DNAJB6: variants seen among roughly 807,000 people sequenced by gnomAD.
DNAJB6 encodes the protein dnaJ homolog subfamily B member 6.
In DNAJB6, 16 loss-of-function variants were observed where a neutral mutation model predicts 42.7. The observed-to-expected ratio is 0.37, with a 90% CI of 0.25 to 0.57. DNAJB6 has a LOEUF of 0.57. Ranked by LOEUF, DNAJB6 falls within the 20% of genes least tolerant of loss-of-function variation. DNAJB6 has a pLI of 0.74. For synonymous variants in DNAJB6, 170 were observed against 163.5 expected (o/e 1.04, Z -0.30); for missense variants, 347 against 416.8 (o/e 0.83, Z 1.46).
intron 8 of DNAJB6, among the ~76,000 whole-genome samples, chr7:157,402,275 C>T (rs1044443015): frequency 1.4e-4 from 22 of 152,214 alleles, no homozygotes; most frequent in African/African-American, 4.6e-4. Flanking sequence ...ATTTTAAAGA[C>T]GAGGGGACTG....
chr7:157,415,581 G>A (rs1250661831), intron 9 of DNAJB6: 1 of 189,374 alleles, frequency 5.3e-6, no homozygotes, highest in Admixed American at 5.6e-5. Flanking sequence ...AGAGCCCAGG[G>A]TGGGGTTCCG....
At chr7:157,372,565 A>C (rs1470236213) in intron 5 of DNAJB6, among the ~76,000 whole-genome samples, 1 of 152,200 alleles carries the variant, frequency 6.6e-6, no homozygotes, top group Non-Finnish European at 1.5e-5. Flanking sequence ...GTGCCTTGAT[A>C]CTGTCCTTGG....
At chr7:157,350,153 G>A (rs904435102) in intron 1 of DNAJB6, among the ~76,000 whole-genome samples, 1 of 152,094 alleles carries the variant, frequency 6.6e-6, no homozygotes, top group Non-Finnish European at 1.5e-5. Context: ...GAGAGCTGTG[G>A]GTCTTGTTAT....
intron 3 of DNAJB6, 42 bp from the exon 4 acceptor site, chr7:157,366,460 T>C (rs1226000076): frequency 1.9e-6 from 3 of 1,580,154 alleles, no homozygotes; most frequent in Non-Finnish European, 8.7e-7. Context: ...ATTAAGGGTT[T>C]AAAAGGAACT....
At chr7:157,347,091 G>A (rs527842619) in intron 1 of DNAJB6, among the ~76,000 whole-genome samples, 121 of 152,182 alleles carry the variant, frequency 8.0e-4, no homozygotes, top group African/African-American at 2.4e-3. Flanking sequence ...TCCTGACCTC[G>A]TGATTCGCCT....
intron 3 of DNAJB6, among the ~76,000 whole-genome samples, chr7:157,365,952 C>T (rs1799820816): frequency 7.4e-6 from 1 of 134,592 alleles, no homozygotes; most frequent in Middle Eastern, 3.9e-3. Context: ...GTATGAGCTA[C>T]CTCGCGTGGC....
intron 5 of DNAJB6, chr7:157,382,031 A>C (rs1338230931): frequency 7.1e-6 from 3 of 421,986 alleles, no homozygotes; most frequent in African/African-American, 6.2e-5. Flanking sequence ...TATTTGATAC[A>C]ATGTATTGTA....
intron 1 of DNAJB6, among the ~76,000 whole-genome samples, chr7:157,349,384 G>A (rs1453642011): frequency 6.6e-6 from 1 of 152,214 alleles, no homozygotes; most frequent in Non-Finnish European, 1.5e-5. Flanking sequence ...TGGGCAAGGT[G>A]TGACCCTCCC....
At chr7:157,344,589 A>G (rs951892383) in intron 1 of DNAJB6, among the ~76,000 whole-genome samples, 4 of 151,776 alleles carry the variant, frequency 2.6e-5, no homozygotes, top group African/African-American at 7.3e-5. Context: ...GCCTGAAATT[A>G]TTTGTTTTTT....
intron 1 of DNAJB6, among the ~76,000 whole-genome samples, chr7:157,344,176 T>C (rs7783083): frequency 0.55 from 82,839 of 151,938 alleles, 23,008 homozygotes; most frequent in East Asian, 0.76. Flanking sequence ...CCATCTCTAC[T>C]AAAACAATAC....
chr7:157,341,265 C>T (rs1324728646), intron 1 of DNAJB6, among the ~76,000 whole-genome samples: 1 of 152,074 alleles, frequency 6.6e-6, no homozygotes, highest in Non-Finnish European at 1.5e-5. Flanking sequence ...GCTGTGATTA[C>T]AGGCACCTGC....
At chr7:157,404,604 A>G (rs1795686751) in intron 8 of DNAJB6, among the ~76,000 whole-genome samples, 2 of 144,600 alleles carry the variant, frequency 1.4e-5, no homozygotes, top group East Asian at 2.1e-4. Context: ...TCTGCCTCCC[A>G]GGCTCAAGCG....
intron 8 of DNAJB6, chr7:157,386,244 T>G (rs2366514): frequency 2.1e-6 from 2 of 931,966 alleles, no homozygotes; most frequent in East Asian, 1.1e-4. Flanking sequence ...GTAAACTGGG[T>G]CTTTGTCATT....
chr7:157,342,333 ATTTTTTTTTTTTTT>A (rs11329531), intron 1 of DNAJB6, among the ~76,000 whole-genome samples: 10 of 60,406 alleles, frequency 1.7e-4, no homozygotes, highest in South Asian at 9.0e-4. Context: ...ATCCTGGCTA[ATTTTTTTTTTTTTT>A]TTTTTTTTTT....
At chr7:157,395,039 C>T (rs531869993) in intron 8 of DNAJB6, among the ~76,000 whole-genome samples, 1 of 152,224 alleles carries the variant, frequency 6.6e-6, no homozygotes, top group African/African-American at 2.4e-5. Flanking sequence ...CTGCAGTGAG[C>T]CAGGATTGCA....
At chr7:157,365,512 G>A (rs919334887) in intron 3 of DNAJB6, among the ~76,000 whole-genome samples, 10 of 152,148 alleles carry the variant, frequency 6.6e-5, no homozygotes, top group Admixed American at 2.0e-4. Context: ...GTTTGTTTTC[G>A]TGCTGCAGAT....
intron 1 of DNAJB6, among the ~76,000 whole-genome samples, chr7:157,352,589 C>G (rs1313877138): frequency 6.6e-6 from 1 of 152,074 alleles, no homozygotes; most frequent in South Asian, 2.1e-4. Flanking sequence ...TGACTGTGCT[C>G]AGGCGGCTGT....
rs200755236 is a variant in DNAJB6, at chr7:157,385,523, T to A, written c.621-18T>A. The A allele has an allele frequency of 5.7e-5, 92 of 1,609,472 alleles. No homozygotes were observed. In the Admixed American group the frequency reaches 6.8e-4, roughly 12 times the overall value. ...TTTCTTTACCAGAAAGGTTTTTAAA[T>A]GAATTTTTTTCCTACAGAATTGTCG... On this transcript the variant is annotated intron_variant, in intron 7 of 9. Coordinates refer to ENST00000262177, the MANE Select transcript of DNAJB6 (RefSeq NM_058246.4).
chr7:157,390,676 C>G (rs141220746), intron 8 of DNAJB6, among the ~76,000 whole-genome samples: 1 of 152,168 alleles, frequency 6.6e-6, no homozygotes. Context: ...CGCTGTGCTG[C>G]GAGCTCTGAG....
Sources: allele counts gnomAD v4.1 joint callset (sites outside exome capture counted in the v4.1 genomes callset), GRCh38; gene constraint gnomAD v4.1.1; transcripts MANE v1.5; gene names NCBI Gene and HGNC (gene_info 2026-07-23, HGNC 2026-07-21).